The following AUTS2 variants were observed in gnomAD, a reference collection of about 807,000 sequenced individuals.
AUTS2 encodes autism susceptibility gene 2 protein.
A neutral mutation model predicts 112.4 loss-of-function variants in AUTS2; 17 were observed. The ratio of observed to expected loss-of-function variants is 0.15; its 90% CI spans 0.10 to 0.23. The LOEUF (loss-of-function observed/expected upper bound fraction) is 0.23. Ranked by LOEUF, AUTS2 falls within the 10% of genes least tolerant of loss-of-function variation. AUTS2 has a pLI of 1.00. For missense variants in AUTS2, 1,510 were observed against 1,701.6 expected, an observed-to-expected ratio of 0.89 and a Z score of 1.98; for synonymous variants, 751 against 702.7, an observed-to-expected ratio of 1.07 and a Z score of -1.09.
intron 2 of AUTS2, among the ~76,000 whole-genome samples, chr7:69,912,513 A>C (rs933490978): frequency 2.0e-5 from 3 of 152,220 alleles, no homozygotes; most frequent in South Asian, 4.1e-4. Context: ...GGGACCATGT[A>C]GGGAGTATAT....
chr7:70,173,492 A>G (rs2129579331), intron 4 of AUTS2, among the ~76,000 whole-genome samples: 1 of 152,354 alleles, frequency 6.6e-6, no homozygotes, highest in East Asian at 1.9e-4. Context: ...AGCATCTGGC[A>G]TATTTACATG....
intron 2 of AUTS2, among the ~76,000 whole-genome samples, chr7:69,987,793 C>A (rs1479407229): frequency 6.6e-6 from 1 of 152,172 alleles, no homozygotes; most frequent in African/African-American, 2.4e-5. Context: ...TTTTCCAATA[C>A]GTCATGACTA....
At chr7:70,245,998 C>A (rs1278695447) in intron 4 of AUTS2, among the ~76,000 whole-genome samples, 4 of 152,046 alleles carry the variant, frequency 2.6e-5, no homozygotes, top group Admixed American at 2.6e-4. Flanking sequence ...GCCCTGGTTT[C>A]CTCTTCTGAG....
chr7:69,787,523 T>C lies in AUTS2; in HGVS notation c.310-111763T>C, dbSNP rs188469284. 1.2e-3 allele frequency among the ~76,000 whole-genome samples: 177 copies of C among 152,312 alleles called. 1 individual carries two copies. In the East Asian group the frequency reaches 0.012, roughly 11 times the overall value. On this transcript the variant is annotated intron_variant, in intron 1 of 18. Coordinates refer to ENST00000342771, the MANE Select transcript of AUTS2 (RefSeq NM_015570.4). ...TTTACTAGTCAGGCATATTTTTGAA[T>C]AACCTTCACTAGCATTTATTATAGT...
At chr7:70,431,057 T>G (rs1795643879) in intron 4 of AUTS2, among the ~76,000 whole-genome samples, 2 of 152,044 alleles carry the variant, frequency 1.3e-5, no homozygotes, top group African/African-American at 4.8e-5. Context: ...CGGGATGGTC[T>G]CGATCTCCTG....
At chr7:70,153,636 G>A (rs1807577172) in intron 4 of AUTS2, among the ~76,000 whole-genome samples, 1 of 152,150 alleles carries the variant, frequency 6.6e-6, no homozygotes, top group Admixed American at 6.5e-5. Flanking sequence ...TTTCCCTGCT[G>A]TTGTTAACAC....
intron 4 of AUTS2, among the ~76,000 whole-genome samples, chr7:70,147,302 G>T (rs1303797246): frequency 6.6e-6 from 1 of 151,702 alleles, no homozygotes; most frequent in Non-Finnish European, 1.5e-5. Flanking sequence ...AATGACGGAA[G>T]TAGGCAGATG....
intron 4 of AUTS2, among the ~76,000 whole-genome samples, chr7:70,220,653 T>C (rs1410422812): frequency 6.6e-6 from 1 of 152,204 alleles, no homozygotes; most frequent in Non-Finnish European, 1.5e-5. Flanking sequence ...ATGGAAATGA[T>C]GGGATATCAG....
chr7:70,629,425 T>C (rs926567506), intron 5 of AUTS2, among the ~76,000 whole-genome samples: 3 of 151,480 alleles, frequency 2.0e-5, no homozygotes, highest in Admixed American at 2.0e-4. Flanking sequence ...TGAGCTGAGA[T>C]CGTGCCACTG....
At chr7:70,241,750 A>T (rs549920296) in intron 4 of AUTS2, among the ~76,000 whole-genome samples, 1 of 152,332 alleles carries the variant, frequency 6.6e-6, no homozygotes, top group Admixed American at 6.5e-5. Flanking sequence ...GGCCTTTGTA[A>T]TGTTAATTTG....
At chr7:70,192,942 C>T (rs2129583726) in intron 4 of AUTS2, among the ~76,000 whole-genome samples, 1 of 152,296 alleles carries the variant, frequency 6.6e-6, no homozygotes, top group Non-Finnish European at 1.5e-5. Flanking sequence ...GCAAGCATGA[C>T]TAGAACCCTA....
intron 10 of AUTS2, among the ~76,000 whole-genome samples, chr7:70,771,065 A>G (rs1790305586): frequency 6.6e-6 from 1 of 152,234 alleles, no homozygotes; most frequent in East Asian, 1.9e-4. Context: ...TCCTCAAACT[A>G]TTAAAAGTCT....
At chr7:70,190,102 A>G (rs1809804717) in intron 4 of AUTS2, among the ~76,000 whole-genome samples, 1 of 152,192 alleles carries the variant, frequency 6.6e-6, no homozygotes, top group East Asian at 1.9e-4. Flanking sequence ...TTATGTTCCA[A>G]ATAAAGATCA....
intron 4 of AUTS2, among the ~76,000 whole-genome samples, chr7:70,211,145 G>A (rs1810861241): frequency 6.6e-6 from 1 of 152,040 alleles, no homozygotes; most frequent in South Asian, 2.1e-4. Context: ...CGCCTGGACC[G>A]TGCTTAGTAT....
chr7:69,896,803 C>T (rs1562956341), intron 1 of AUTS2, among the ~76,000 whole-genome samples: 1 of 152,172 alleles, frequency 6.6e-6, no homozygotes, highest in Non-Finnish European at 1.5e-5. Context: ...AGAGATTATG[C>T]ACCCAGCTGC....
At chr7:70,774,453 T>A in intron 12 of AUTS2, 1 of 228,830 alleles carries the variant, frequency 4.4e-6, no homozygotes, top group Non-Finnish European at 8.6e-6. Flanking sequence ...CAGAATGTTT[T>A]GAATGGAAAA....
intron 4 of AUTS2, among the ~76,000 whole-genome samples, chr7:70,193,852 T>A (rs1019337997): frequency 1.4e-4 from 22 of 152,246 alleles, no homozygotes; most frequent in African/African-American, 5.1e-4. Flanking sequence ...AGACCTAATC[T>A]AGAATTTACT....
intron 1 of AUTS2, among the ~76,000 whole-genome samples, chr7:69,779,737 C>G (rs1183892430): frequency 2.8e-5 from 4 of 142,408 alleles, no homozygotes; most frequent in African/African-American, 1.1e-4. Context: ...GCACTCCAGC[C>G]TGGGTGACAG....
At chr7:70,516,295 C>T (rs1482178148) in intron 5 of AUTS2, among the ~76,000 whole-genome samples, 3 of 152,178 alleles carry the variant, frequency 2.0e-5, no homozygotes, top group Non-Finnish European at 4.4e-5. Flanking sequence ...ACACCCGCAC[C>T]TTACCCACCA....
Sources: allele counts gnomAD v4.1 joint callset (sites outside exome capture counted in the v4.1 genomes callset), GRCh38; gene constraint gnomAD v4.1.1; transcripts MANE v1.5; gene names NCBI Gene and HGNC (gene_info 2026-07-23, HGNC 2026-07-21).